UNC79: variants seen among roughly 807,000 people sequenced by gnomAD.
The protein encoded by UNC79 is protein unc-79 homolog.
In UNC79, 37 loss-of-function variants were observed where a neutral mutation model predicts 283.1. The ratio of observed to expected loss-of-function variants is 0.13; its 90% CI spans 0.10 to 0.17. The LOEUF is 0.17. UNC79 is among the 10% of genes least tolerant of loss of function. The pLI, the probability that UNC79 is intolerant of heterozygous loss-of-function variation, is 1.00. For missense variants in UNC79, 2,272 were observed against 3,211.1 expected, an observed-to-expected ratio of 0.71 and a Z score of 7.07; for synonymous variants, 1,107 against 1,200.2, an observed-to-expected ratio of 0.92 and a Z score of 1.61.
intron 1 of UNC79, among the ~76,000 whole-genome samples, chr14:93,343,702 G>A (rs11629303): frequency 0.15 from 23,350 of 152,108 alleles, 2,039 homozygotes; most frequent in East Asian, 0.31. Context: ...TTTAACACCA[G>A]TTTATTTAGA....
At chr14:93,694,634 G>A (rs2074955223) in intron 47 of UNC79, among the ~76,000 whole-genome samples, 1 of 152,100 alleles carries the variant, frequency 6.6e-6, no homozygotes, top group Non-Finnish European at 1.5e-5. Context: ...TATCAGACCA[G>A]GCCAAGCATG....
exon 22 of UNC79, chr14:93,586,902 T>C: frequency 6.2e-7 from 1 of 1,613,686 alleles, no homozygotes; most frequent in Non-Finnish European, 8.5e-7. Context: ...CACATGTTGA[T>C]TGCAAGGTAC....
intron 5 of UNC79, among the ~76,000 whole-genome samples, chr14:93,491,954 C>A (rs2058748995): frequency 6.6e-6 from 1 of 152,100 alleles, no homozygotes; most frequent in Non-Finnish European, 1.5e-5. Flanking sequence ...TCTCTGGGAC[C>A]AAGTGGTAGG....
At chr14:93,450,989 A>G (rs1453529544) in intron 1 of UNC79, among the ~76,000 whole-genome samples, 1 of 151,774 alleles carries the variant, frequency 6.6e-6, no homozygotes. Context: ...TAAACCTTCT[A>G]TTGATTATTC....
Position 93,430,756 on chromosome 14 carries a change from C to A in UNC79, c.-274C>A. ...TTCGGTCTCCCCGCCCACATCAACG[C>A]GGGCAGCTCCAGGAGGGGACGGACA... On this transcript the variant is annotated 5_prime_UTR_variant, in exon 1 of 49. Transcript: ENST00000555664. The surrounding 1 kb of genome is among the most constrained non-coding windows in gnomAD (Gnocchi z 4.6). 2.6e-6 allele frequency: 1 copy of A among 386,762 alleles called. No homozygotes were observed. Among genetic ancestry groups the A allele is most frequent in the Non-Finnish European group, 4.8e-6 (1 of 207,532 alleles). 24.0% of individuals were successfully genotyped at this position (386,762 alleles called of 1,614,324 possible). A position where few individuals can be genotyped will look rare whatever the true frequency, so the allele number is the denominator to read the frequency against.
chr14:93,549,467 C>T (rs1205187503), intron 14 of UNC79, among the ~76,000 whole-genome samples: 7 of 152,192 alleles, frequency 4.6e-5, no homozygotes, highest in Non-Finnish European at 1.0e-4. Flanking sequence ...ATACTTGTCT[C>T]ATTTACAGAT....
chr14:93,574,929 T>C lies in UNC79; in HGVS notation c.2071-129T>C, dbSNP rs1049205878. The C allele has an allele frequency of 7.1e-6, 7 of 987,356 alleles. No homozygotes were observed. In the East Asian group the frequency reaches 8.2e-5, roughly 12 times the overall value. 61.2% of individuals were successfully genotyped at this position (987,356 alleles called of 1,614,324 possible). Reference sequence around the variant, plus strand: ...GAAAATTGGAGGATGACTGTGTTGATAGAATACGTGTAAGGCTAATTATCC... The same window carrying C: ...GAAAATTGGAGGATGACTGTGTTGACAGAATACGTGTAAGGCTAATTATCC... On this transcript the variant is annotated intron_variant, in intron 16 of 48. Transcript: ENST00000555664.
At chr14:93,420,730 C>CA (rs1055100611) in intron 1 of UNC79, among the ~76,000 whole-genome samples, 5 of 151,462 alleles carry the variant, frequency 3.3e-5, no homozygotes, top group African/African-American at 1.2e-4. Context: ...CTTAAAACAT[C>CA]AAAAAAATTA....
chr14:93,617,106 A>AT lies in UNC79; in HGVS notation c.4042-10dup. On this transcript the variant is annotated splice_polypyrimidine_tract_variant and intron_variant, in intron 27 of 48. Coordinates refer to ENST00000555664, the Ensembl canonical transcript of UNC79. This position sits in a 1 kb window ranked among gnomAD's most constrained non-coding sequence, Gnocchi z 4.5. ...TTGTAGTTTTCCATCAGTTATTAATATTTTTTCTATTTCAGGTTATGGACT... is the reference window on the plus strand; with the variant it reads ...TTGTAGTTTTCCATCAGTTATTAATATTTTTTTCTATTTCAGGTTATGGACT... The AT allele has an allele frequency of 6.3e-7, 1 of 1,591,676 alleles. No individual in the cohort carries two copies. Among genetic ancestry groups the AT allele is most frequent in the Non-Finnish European group, 8.6e-7 (1 of 1,165,736 alleles).
intron 1 of UNC79, among the ~76,000 whole-genome samples, chr14:93,364,439 G>C (rs1216651381): frequency 6.6e-6 from 1 of 151,288 alleles, no homozygotes; most frequent in Non-Finnish European, 1.5e-5. Flanking sequence ...ATTTATTGTA[G>C]GTGGAGAGAT....
chr14:93,622,688 G>A (rs1412906072), exon 30 of UNC79: 2 of 1,614,194 alleles, frequency 1.2e-6, no homozygotes, highest in South Asian at 2.2e-5. Flanking sequence ...TGAAAGGAAG[G>A]TGGAAGAGGA....
At chr14:93,592,469 T>A (rs1477206410) in intron 22 of UNC79, among the ~76,000 whole-genome samples, 1 of 152,198 alleles carries the variant, frequency 6.6e-6, no homozygotes, top group African/African-American at 2.4e-5. Context: ...CCACTGCGCC[T>A]GGCCGACATA....
intron 47 of UNC79, among the ~76,000 whole-genome samples, chr14:93,704,372 ACAAT>A (rs1263816802): frequency 1.3e-5 from 2 of 152,320 alleles, no homozygotes; most frequent in Admixed American, 6.5e-5. Context: ...CTTTCGAGAG[ACAAT>A]CAGTCATTTA....
intron 5 of UNC79, among the ~76,000 whole-genome samples, chr14:93,492,192 T>A (rs2058759640): frequency 6.6e-6 from 1 of 152,192 alleles, no homozygotes; most frequent in Non-Finnish European, 1.5e-5. Context: ...ATCAGGCATA[T>A]TTACATAAAT....
At chr14:93,686,807 G>A (rs1169111656) in intron 43 of UNC79, 146 bp downstream of exon 46, 1 of 828,482 alleles carries the variant, frequency 1.2e-6, no homozygotes, top group East Asian at 2.7e-5. Context: ...GGATCAAAGA[G>A]CCAGGGTCCA....
At chr14:93,339,639 T>C (rs930463539) in intron 1 of UNC79, among the ~76,000 whole-genome samples, 11 of 152,246 alleles carry the variant, frequency 7.2e-5, no homozygotes, top group Non-Finnish European at 1.6e-4. Flanking sequence ...CTGTTACTCG[T>C]GGTCAGCACC....
chr14:93,591,894 C>T (rs1157891782), intron 22 of UNC79, among the ~76,000 whole-genome samples: 4 of 152,172 alleles, frequency 2.6e-5, no homozygotes, highest in African/African-American at 9.7e-5. Context: ...CACTTGAGCT[C>T]ACCTGAATAG....
At chr14:93,635,358 A>T (rs1203412328) in intron 31 of UNC79, among the ~76,000 whole-genome samples, 2 of 152,144 alleles carry the variant, frequency 1.3e-5, no homozygotes, top group African/African-American at 2.4e-5. Context: ...TTGAGTTACA[A>T]GATTCTATAT....
At chr14:93,347,453 C>T in intron 1 of UNC79, 1 of 1,390,368 alleles carries the variant, frequency 7.2e-7, no homozygotes, top group Non-Finnish European at 9.3e-7. Context: ...GCGGGGCGCC[C>T]CGACGGGTGG....
Sources: gnomAD v4.1 joint callset for allele counts (sites outside exome capture counted in the v4.1 genomes callset) on GRCh38, gnomAD v4.1.1 for gene constraint, Gnocchi (gnomAD v3.1) non-coding constraint, MANE v1.5 for transcripts, NCBI Gene and HGNC (gene_info 2026-07-23, HGNC 2026-07-21) for gene names.